Variants in TMT1A observed in about 807,000 individuals in gnomAD.
TMT1A encodes thiol S-methyltransferase TMT1A.
chr12:50,929,331 C>T, the TMT1A span, among the ~76,000 whole-genome samples: 4 of 152,192 alleles, frequency 2.6e-5, no homozygotes, highest in Admixed American at 1.3e-4. Flanking sequence ...GAAACTCCAT[C>T]ACTAAACTGA....
chr12:50,928,612 G>A, the TMT1A span, among the ~76,000 whole-genome samples: 17 of 152,138 alleles, frequency 1.1e-4, no homozygotes, highest in Admixed American at 9.2e-4. Context: ...CCATTTGTGG[G>A]ACTGGTCAGA....
the TMT1A span, chr12:50,930,608 G>A: frequency 7.0e-6 from 1 of 143,312 alleles, no homozygotes; most frequent in Admixed American, 7.0e-5. Context: ...TTGAGACGGA[G>A]TTTTCGCTCT....
the TMT1A span, among the ~76,000 whole-genome samples, chr12:50,928,868 T>C: frequency 6.6e-6 from 1 of 152,088 alleles, no homozygotes; most frequent in South Asian, 2.1e-4. Context: ...TCTTAACATA[T>C]GTAAACCAGA....
At chr12:50,925,151 ACTT>A in the TMT1A span, 1 of 1,613,914 alleles carries the variant, frequency 6.2e-7, no homozygotes, top group Admixed American at 1.7e-5. Flanking sequence ...TGGTTCCCCT[ACTT>A]CTTGGTGAGG....
the TMT1A span, among the ~76,000 whole-genome samples, chr12:50,926,933 C>A: frequency 6.6e-6 from 1 of 152,108 alleles, no homozygotes; most frequent in Non-Finnish European, 1.5e-5. Context: ...AGTTTAAAAT[C>A]GTTTTATATT....
At chr12:50,931,947 A>T in the TMT1A span, 2 of 152,298 alleles carry the variant, frequency 1.3e-5, no homozygotes, top group Non-Finnish European at 2.9e-5. Context: ...GAATTAACAT[A>T]CAAGGTTGCC....
At chr12:50,932,344 G>C in the TMT1A span, 1 of 152,294 alleles carries the variant, frequency 6.6e-6, no homozygotes, top group Non-Finnish European at 1.5e-5. Flanking sequence ...ATCATCACAA[G>C]TGCCTCTGAA....
chr12:50,925,213 T>G, the TMT1A span: 9 of 1,614,096 alleles, frequency 5.6e-6, no homozygotes, highest in South Asian at 2.2e-5. Flanking sequence ...GCGGGAGCTC[T>G]TCAGTAACCT....
the TMT1A span, chr12:50,925,027 C>T: frequency 6.2e-7 from 1 of 1,607,538 alleles, no homozygotes; most frequent in Non-Finnish European, 8.5e-7. Flanking sequence ...CTGTTTTTTT[C>T]CCTTCTGAGC....
the TMT1A span, chr12:50,925,253 T>C: frequency 3.5e-5 from 56 of 1,614,028 alleles, no homozygotes; most frequent in Middle Eastern, 4.9e-4. Context: ...TCCGGGAAAC[T>C]CTCCCTGCTG....
the TMT1A span, among the ~76,000 whole-genome samples, chr12:50,926,016 C>CAAAAAAAAAAAAA: frequency 7.7e-5 from 2 of 26,064 alleles, no homozygotes; most frequent in African/African-American, 1.7e-4. Flanking sequence ...AACTCCATCT[C>CAAAAAAAAAAAAA]AAAAAAAAAA....
At chr12:50,925,032 C>G in the TMT1A span, 1 of 1,610,984 alleles carries the variant, frequency 6.2e-7, no homozygotes, top group East Asian at 2.2e-5. Context: ...TTTTTCCCTT[C>G]TGAGCAATGG....
chr12:50,928,042 G>A, the TMT1A span, among the ~76,000 whole-genome samples: 1 of 152,064 alleles, frequency 6.6e-6, no homozygotes, highest in South Asian at 2.1e-4. Context: ...CCGGGCTGGT[G>A]TCCAACTTCT....
the TMT1A span, chr12:50,925,140 A>G: frequency 6.2e-7 from 1 of 1,614,184 alleles, no homozygotes; most frequent in Admixed American, 1.7e-5. Flanking sequence ...TATGCAAAAA[A>G]TGGTTCCCCT....
chr12:50,930,181 C>A, the TMT1A span: 2 of 1,478,564 alleles, frequency 1.4e-6, no homozygotes, highest in Non-Finnish European at 9.1e-7. Context: ...CTGAATGGCT[C>A]AAAGAATTTA....
At chr12:50,925,366 A>G in the TMT1A span, 1 of 1,614,076 alleles carries the variant, frequency 6.2e-7, no homozygotes, top group African/African-American at 1.3e-5. Flanking sequence ...TTTGATCAAG[A>G]GCATTGCAGA....
chr12:50,928,885 C>T, the TMT1A span, among the ~76,000 whole-genome samples: 1 of 152,104 alleles, frequency 6.6e-6, no homozygotes, highest in African/African-American at 2.4e-5. Flanking sequence ...CAGAGGGCAA[C>T]ACTGACCTCC....
At chr12:50,930,350 G>A in the TMT1A span, 10 of 470,296 alleles carry the variant, frequency 2.1e-5, no homozygotes, top group South Asian at 2.6e-4. Flanking sequence ...CGTGATCTCC[G>A]CTCACTGCAA....
the TMT1A span, among the ~76,000 whole-genome samples, chr12:50,927,224 G>A: frequency 2.6e-5 from 4 of 152,136 alleles, no homozygotes; most frequent in South Asian, 2.1e-4. Flanking sequence ...ATGAGGTTTC[G>A]CCATGTTGCC....
Sources: allele counts gnomAD v4.1 joint callset (sites outside exome capture counted in the v4.1 genomes callset), GRCh38; gene constraint gnomAD v4.1.1; transcripts MANE v1.5; gene names NCBI Gene and HGNC (gene_info 2026-07-23, HGNC 2026-07-21).